Variants in NBAS observed in about 807,000 individuals in gnomAD.
NBAS encodes NAG/BC035112 fusion.
Under a neutral mutation model 302.5 loss-of-function variants are expected in NBAS, and 219 were observed. That is an observed-to-expected ratio of 0.72 (90% CI 0.65 to 0.81). The LOEUF (loss-of-function observed/expected upper bound fraction) is 0.81, where lower values mean the gene tolerates loss of function less well. NBAS is among the 30% of genes least tolerant of loss of function. The probability of loss-of-function intolerance (pLI) is 0.00; values close to 1 mark genes in which losing one functional copy is unlikely to be tolerated. For synonymous variants in NBAS, 1,118 were observed against 1,021.6 expected (o/e 1.09, Z -1.80); for missense variants, 2,932 against 2,841.6 (o/e 1.03, Z -0.72).
At chr2:15,525,811 A>G (rs143636923) in intron 9 of NBAS, among the ~76,000 whole-genome samples, 5 of 152,358 alleles carry the variant, frequency 3.3e-5, no homozygotes, top group African/African-American at 1.2e-4. Flanking sequence ...CAAAATTGAA[A>G]ACAAAAATAG....
At chr2:14,913,690 G>T in the NBAS span, among the ~76,000 whole-genome samples, 1 of 152,184 alleles carries the variant, frequency 6.6e-6, no homozygotes, top group South Asian at 2.1e-4. Context: ...AGGGCATCAG[G>T]CAGGGGAAAC....
chr2:15,461,575 T>C, intron 20 of NBAS, 112 bp downstream of exon 20: 3 of 795,810 alleles, frequency 3.8e-6, no homozygotes, highest in Non-Finnish European at 4.0e-6. Context: ...CTTATTAATA[T>C]TAAAACAAAA....
At chr2:14,780,550 G>C in the NBAS span, among the ~76,000 whole-genome samples, 1 of 152,154 alleles carries the variant, frequency 6.6e-6, no homozygotes, top group South Asian at 2.1e-4. Flanking sequence ...TTTGGTAATC[G>C]TTCACTCTCC....
chr2:15,283,068 T>G (rs1453119672), intron 42 of NBAS, among the ~76,000 whole-genome samples: 1 of 152,136 alleles, frequency 6.6e-6, no homozygotes, highest in African/African-American at 2.4e-5. Flanking sequence ...GGGTTCCCTA[T>G]TAGAATATAA....
In NBAS at chr2:15,461,251, A is replaced by C; in HGVS notation, c.2289T>G (p.Phe763Leu). The stretch of plus-strand genomic sequence containing the variant: ...ATTCATGTGGAGAAGTGGTCTCTGG[A>C]AAGTTGGACAGAATTGCAAGGCGAT... The part of the protein sequence containing the change: ...LPHRLAILSN[F>L]PETTSPHEYS... Residue 763 changes from phenylalanine to leucine, a missense_variant, in exon 21 of 52, where the codon TTT becomes TTG. Transcript: ENST00000281513. The C allele has an allele frequency of 1.2e-6, 2 of 1,613,922 alleles. No individual in the cohort carries two copies. Among genetic ancestry groups the C allele is most frequent in the East Asian group, 2.2e-5 (1 of 44,864 alleles).
chr2:15,557,636 T>C (rs545155323), intron 2 of NBAS, among the ~76,000 whole-genome samples: 1 of 152,354 alleles, frequency 6.6e-6, no homozygotes, highest in African/African-American at 2.4e-5. Context: ...TTAACTTCTG[T>C]GAAAATGAAT....
intron 21 of NBAS, among the ~76,000 whole-genome samples, chr2:15,455,697 CACTTTACAAGTGAGAAG>C (rs1214466694): frequency 6.6e-6 from 1 of 151,016 alleles, no homozygotes; most frequent in Non-Finnish European, 1.5e-5. Context: ...TGAGCATATC[CACTTTACAAGTGAGAAG>C]ACTGCAGTGC....
At chr2:15,345,529 C>T (rs1366761191) in intron 35 of NBAS, among the ~76,000 whole-genome samples, 1 of 152,186 alleles carries the variant, frequency 6.6e-6, no homozygotes, top group Non-Finnish European at 1.5e-5. Flanking sequence ...AAAACTATTT[C>T]CATGCTCATG....
chr2:15,110,193 G>A, the NBAS span, among the ~76,000 whole-genome samples: 2 of 152,026 alleles, frequency 1.3e-5, no homozygotes, highest in Non-Finnish European at 2.9e-5. Flanking sequence ...GGACATGCAG[G>A]CACCAGGTCC....
chr2:15,398,072 T>G (rs1049604335), intron 26 of NBAS, among the ~76,000 whole-genome samples: 5 of 152,044 alleles, frequency 3.3e-5, no homozygotes, highest in Admixed American at 6.6e-5. Context: ...CTAACTTCCC[T>G]TAACATACTC....
At chr2:15,087,070 G>C in the NBAS span, among the ~76,000 whole-genome samples, 1 of 151,432 alleles carries the variant, frequency 6.6e-6, no homozygotes, top group Non-Finnish European at 1.5e-5. Context: ...CCTGATTTCA[G>C]ACTTGAACTG....
chr2:14,860,148 T>C, the NBAS span, among the ~76,000 whole-genome samples: 1 of 151,920 alleles, frequency 6.6e-6, no homozygotes, highest in Non-Finnish European at 1.5e-5. Context: ...GAAATATAAA[T>C]ATCTCACCCC....
chr2:14,935,693 G>T, the NBAS span, among the ~76,000 whole-genome samples: 1 of 152,126 alleles, frequency 6.6e-6, no homozygotes, highest in Non-Finnish European at 1.5e-5. Flanking sequence ...CAGCCCATTT[G>T]CTGGAAATGT....
chr2:14,942,290 G>T, the NBAS span, among the ~76,000 whole-genome samples: 2 of 152,168 alleles, frequency 1.3e-5, no homozygotes, highest in Non-Finnish European at 2.9e-5. Context: ...AATGTTAGAG[G>T]TAGGGCCTGG....
intron 26 of NBAS, among the ~76,000 whole-genome samples, chr2:15,397,016 C>T (rs779496608): frequency 1.3e-5 from 2 of 152,226 alleles, no homozygotes; most frequent in African/African-American, 2.4e-5. Flanking sequence ...AGAAGTATAT[C>T]CATCACATAG....
intron 26 of NBAS, among the ~76,000 whole-genome samples, chr2:15,400,734 CA>C (rs1286367828): frequency 1.3e-5 from 2 of 152,138 alleles, no homozygotes; most frequent in African/African-American, 4.8e-5. Flanking sequence ...ATTTAAAAAT[CA>C]GAGGAAGATC....
intron 22 of NBAS, 80 bp from the exon 23 acceptor site, chr2:15,424,548 C>CAGAGATGGGGAGAAAGTA: frequency 1.3e-6 from 2 of 1,509,342 alleles, no homozygotes; most frequent in Non-Finnish European, 1.8e-6. Flanking sequence ...AAGACAGGGA[C>CAGAGATGGGGAGAAAGTA]AGAGATGGGG....
the NBAS span, among the ~76,000 whole-genome samples, chr2:14,909,575 T>C: frequency 6.6e-6 from 1 of 152,160 alleles, no homozygotes; most frequent in African/African-American, 2.4e-5. Flanking sequence ...ATCTCATGAT[T>C]CTTTGTCTGT....
chr2:15,027,807 G>A, the NBAS span, among the ~76,000 whole-genome samples: 16 of 152,102 alleles, frequency 1.1e-4, no homozygotes, highest in African/African-American at 3.1e-4. Flanking sequence ...TCATATTTAC[G>A]TAGTTTTATT....
Sources: gnomAD v4.1 joint callset for allele counts (sites outside exome capture counted in the v4.1 genomes callset) on GRCh38, gnomAD v4.1.1 for gene constraint, MANE v1.5 for transcripts, NCBI Gene and HGNC (gene_info 2026-07-23, HGNC 2026-07-21) for gene names.